MIPEP: variants seen among roughly 807,000 people sequenced by gnomAD.
The protein encoded by MIPEP is mitochondrial intermediate peptidase.
MIPEP carries 79 observed loss-of-function variants against 90.3 expected under a neutral mutation model. The observed-to-expected ratio is 0.87, with a 90% CI of 0.73 to 1.05. MIPEP has a LOEUF of 1.05. Among genes scored for constraint, MIPEP ranks in the 50% least tolerant of loss-of-function variants. The pLI is 0.00. For missense variants in MIPEP, 940 were observed against 905.6 expected (o/e 1.04, Z -0.49); for synonymous variants, 334 against 315.8 (o/e 1.06, Z -0.61).
chr13:23,811,247 A>G (rs1566002044), intron 14 of MIPEP, among the ~76,000 whole-genome samples: 2 of 152,228 alleles, frequency 1.3e-5, no homozygotes, highest in African/African-American at 4.8e-5. Flanking sequence ...CCAAGTTTTA[A>G]TAATTTTTAC....
At chr13:23,848,526 C>T (rs1425330927) in intron 10 of MIPEP, among the ~76,000 whole-genome samples, 3 of 152,124 alleles carry the variant, frequency 2.0e-5, no homozygotes, top group Admixed American at 2.0e-4. Context: ...GGCAGAGGAG[C>T]ACTGCAAACA....
rs1348407438 is a variant in MIPEP at position 23,760,236 on chromosome 13, C to G, written c.1849-19G>C. The G allele has an allele frequency of 1.2e-6, 2 of 1,613,838 alleles. No individual in the cohort carries two copies. The highest frequency in any genetic ancestry group is 1.1e-5 in the South Asian group (1 of 91,062). ...GCCAGGCCTGCCAAGAACAGAGAGA[C>G]ACAGCACGGGACACAAGTCAGTTTC... On this transcript the variant is annotated intron_variant, in intron 16 of 18. Transcript: ENST00000382172.
At chr13:23,771,138 G>C (rs576525264) in intron 16 of MIPEP, among the ~76,000 whole-genome samples, 5 of 152,156 alleles carry the variant, frequency 3.3e-5, no homozygotes, top group Non-Finnish European at 5.9e-5. Flanking sequence ...GCACTTACCG[G>C]CTGCACAGCC....
chr13:23,787,408 G>A (rs66523655), intron 16 of MIPEP, among the ~76,000 whole-genome samples: 4 of 10,988 alleles, frequency 3.6e-4, no homozygotes, highest in African/African-American at 4.2e-4. Flanking sequence ...GGGAGAGGGA[G>A]AGAGAGAGAG....
At chr13:23,862,224 A>G (rs549029947) in intron 9 of MIPEP, 78 bp downstream of exon 9, 1 of 881,738 alleles carries the variant, frequency 1.1e-6, no homozygotes, top group South Asian at 1.6e-5. Flanking sequence ...CTATCACAAG[A>G]AAGTTCCTGA....
intron 14 of MIPEP, among the ~76,000 whole-genome samples, chr13:23,821,832 A>G (rs1339118449): frequency 6.6e-6 from 1 of 152,200 alleles, no homozygotes; most frequent in African/African-American, 2.4e-5. Context: ...TAGTTGTTAC[A>G]CTGTACTGCT....
chr13:23,784,124 T>C (rs1293055062), intron 16 of MIPEP, among the ~76,000 whole-genome samples: 1 of 152,102 alleles, frequency 6.6e-6, no homozygotes, highest in African/African-American at 2.4e-5. Flanking sequence ...CTTCACAGAA[T>C]TGGAAAAAAC....
intron 7 of MIPEP, among the ~76,000 whole-genome samples, chr13:23,868,575 C>A (rs1870644824): frequency 6.6e-6 from 1 of 151,988 alleles, no homozygotes; most frequent in African/African-American, 2.4e-5. Context: ...CACAATGCCT[C>A]CTCCTCCCTC....
chr13:23,866,952 C>CA (rs1870567302), intron 7 of MIPEP, among the ~76,000 whole-genome samples: 1 of 152,144 alleles, frequency 6.6e-6, no homozygotes. Flanking sequence ...CTCCCTCTTC[C>CA]AAATACTCTG....
chr13:23,736,907 G>T (rs1244415758), intron 18 of MIPEP, among the ~76,000 whole-genome samples: 1 of 152,110 alleles, frequency 6.6e-6, no homozygotes, highest in Non-Finnish European at 1.5e-5. Flanking sequence ...CAACTCATAG[G>T]TTTGCTTTAA....
chr13:23,836,164 G>T, intron 14 of MIPEP, 76 bp downstream of exon 14: 2 of 876,818 alleles, frequency 2.3e-6, no homozygotes, highest in Non-Finnish European at 3.4e-6. Flanking sequence ...AGCAAGAAGA[G>T]TTCAATTTAT....
At chr13:23,853,869 G>A (rs1384570018) in intron 10 of MIPEP, among the ~76,000 whole-genome samples, 2 of 151,400 alleles carry the variant, frequency 1.3e-5, no homozygotes, top group African/African-American at 2.4e-5. Flanking sequence ...CCCAGCCCAC[G>A]ATGCATTTCT....
At chr13:23,803,091 C>T (rs757085806) in intron 16 of MIPEP, among the ~76,000 whole-genome samples, 14 of 152,062 alleles carry the variant, frequency 9.2e-5, no homozygotes, top group Admixed American at 1.3e-4. Flanking sequence ...TGGCCAGGCG[C>T]GGTGGCTCAT....
chr13:23,883,358 G>A (rs1010214113), intron 2 of MIPEP, among the ~76,000 whole-genome samples: 17 of 152,126 alleles, frequency 1.1e-4, no homozygotes, highest in African/African-American at 3.9e-4. Flanking sequence ...TACTGATTAA[G>A]ATGAAGACTA....
At chr13:23,827,089 A>G (rs1868490129) in intron 14 of MIPEP, among the ~76,000 whole-genome samples, 1 of 152,210 alleles carries the variant, frequency 6.6e-6, no homozygotes, top group Admixed American at 6.5e-5. Flanking sequence ...CTTTCATAAA[A>G]GGGACTTGAG....
intron 2 of MIPEP, among the ~76,000 whole-genome samples, chr13:23,884,070 A>C (rs1871369795): frequency 6.6e-6 from 1 of 152,184 alleles, no homozygotes; most frequent in Non-Finnish European, 1.5e-5. Context: ...GAAATTTTCC[A>C]AAAAAGGAAA....
chr13:23,865,280 C>G (rs1870482604), intron 7 of MIPEP, among the ~76,000 whole-genome samples: 1 of 152,180 alleles, frequency 6.6e-6, no homozygotes, highest in African/African-American at 2.4e-5. Flanking sequence ...ATCTTTTATA[C>G]AGTTTTAAGT....
intron 16 of MIPEP, among the ~76,000 whole-genome samples, chr13:23,782,131 C>A (rs534361525): frequency 1.3e-5 from 2 of 152,306 alleles, no homozygotes; most frequent in East Asian, 3.9e-4. Flanking sequence ...GAACTCTCCA[C>A]CCCAAATCAA....
Position 23,811,267 on chromosome 13 carries a change from A to G in MIPEP, c.1654-1343T>C, listed in dbSNP as rs138865179. Among the ~76,000 whole-genome samples, 246 of 152,348 alleles carry G rather than the reference A, an allele frequency of 1.6e-3. 2 individuals carry two copies. The highest frequency in any genetic ancestry group is 0.01 in the Middle Eastern group (3 of 294). Reference sequence around the variant, plus strand: ...TTTTAATAATTTTTACAAAAAAAGTATATGTGGAAGAATGACACTGAAACC... The same window carrying G: ...TTTTAATAATTTTTACAAAAAAAGTGTATGTGGAAGAATGACACTGAAACC... On this transcript the variant is annotated intron_variant, in intron 14 of 18. Coordinates refer to ENST00000382172, the MANE Select transcript of MIPEP (RefSeq NM_005932.4).
Sources: allele counts gnomAD v4.1 joint callset (sites outside exome capture counted in the v4.1 genomes callset), GRCh38; gene constraint gnomAD v4.1.1; transcripts MANE v1.5; gene names NCBI Gene and HGNC (gene_info 2026-07-23, HGNC 2026-07-21).